XYLT1: variants seen among roughly 807,000 people sequenced by gnomAD.
XYLT1 encodes beta-D-xylosyltransferase 1.
Under a neutral mutation model 91.3 loss-of-function variants are expected in XYLT1, and 36 were observed. That is an observed-to-expected ratio of 0.39 (90% CI 0.30 to 0.52). The LOEUF is 0.52. XYLT1 is among the 20% of genes least tolerant of loss of function. XYLT1 has a pLI of 0.68. For synonymous variants in XYLT1, 588 were observed against 532.0 expected (o/e 1.11, Z -1.45); for missense variants, 1,242 against 1,284.5 (o/e 0.97, Z 0.51).
In XYLT1 at chr16:17,139,489, C is replaced by T. The variant is rs376968291; in HGVS notation, c.1588-958G>A. 9.4e-4 allele frequency among the ~76,000 whole-genome samples: 143 copies of T among 152,184 alleles called. 2 individuals are homozygous for T. Among genetic ancestry groups the T allele is most frequent in the African/African-American group, 3.4e-3 (143 of 41,518 alleles). On this transcript the variant is annotated intron_variant, in intron 7 of 11. Transcript: ENST00000261381. ...CTTTGGTCACCAGTATCGTGGTGGG[C>T]GTCTTGATTAAAAATAGCCAAACTC...
chr16:17,337,730 ATCT>A (rs2035001853), intron 2 of XYLT1, among the ~76,000 whole-genome samples: 2 of 139,408 alleles, frequency 1.4e-5, no homozygotes, highest in South Asian at 4.5e-4. Context: ...CACATTCCCG[ATCT>A]TATTTTTTCC....
At chr16:17,359,421 C>A (rs903960858) in intron 1 of XYLT1, among the ~76,000 whole-genome samples, 1 of 152,152 alleles carries the variant, frequency 6.6e-6, no homozygotes, top group East Asian at 1.9e-4. Flanking sequence ...GACTGTTCTA[C>A]GGTATCTTTG....
rs544569334 is a variant in XYLT1 at position 17,216,417 on chromosome 16, TA to T, written c.914-15764del. Among the ~76,000 whole-genome samples, 20 of 152,322 alleles carry T rather than the reference TA, an allele frequency of 1.3e-4. No homozygotes were observed. The South Asian group carries it at 2.3e-3, about 17-fold the overall frequency. ...GCCAAATTGGTTGGAATTTTCCTAATAAAAATCCTCATAGTAATCACATTAT... is the reference window on the plus strand; with the variant it reads ...GCCAAATTGGTTGGAATTTTCCTAATAAAATCCTCATAGTAATCACATTAT... On this transcript the variant is annotated intron_variant, in intron 3 of 11. Transcript: ENST00000261381.
chr16:17,344,492 C>CAAAA, intron 2 of XYLT1, among the ~76,000 whole-genome samples: 1 of 100,870 alleles, frequency 9.9e-6, no homozygotes. Flanking sequence ...GACTCCATCT[C>CAAAA]AAAAAAAAAA....
chr16:17,328,248 T>C (rs1266677916), intron 2 of XYLT1, among the ~76,000 whole-genome samples: 1 of 151,974 alleles, frequency 6.6e-6, no homozygotes, highest in Non-Finnish European at 1.5e-5. Context: ...CAATCAGGCA[T>C]ATTAAAAGCC....
intron 2 of XYLT1, among the ~76,000 whole-genome samples, chr16:17,311,597 G>A (rs2034551033): frequency 6.6e-6 from 1 of 152,204 alleles, no homozygotes; most frequent in South Asian, 2.1e-4. Context: ...GACTGTGGGT[G>A]AATTCCTTCC....
At position 17,352,899 on chromosome 16, in the gene XYLT1, A is replaced by G. The variant is rs541205931; in HGVS notation, c.402+5113T>C. ...AGTTAGCACAAGGCCTTGTCTCCAC[A>G]TGGCCCAATAGTGATTTACGGAATA... is the stretch of plus-strand genomic sequence containing the variant. On this transcript the variant is annotated intron_variant, in intron 2 of 11. Transcript: ENST00000261381. Among the ~76,000 whole-genome samples the G allele has an allele frequency of 2.6e-5, 4 of 152,300 alleles. No individual in the cohort carries two copies. The East Asian group carries it at 7.7e-4, about 29-fold the overall frequency.
intron 3 of XYLT1, among the ~76,000 whole-genome samples, chr16:17,239,335 A>ATCG (rs2033302279): frequency 1.0e-5 from 1 of 100,098 alleles, no homozygotes; most frequent in African/African-American, 3.6e-5. Context: ...TCCATCCATC[A>ATCG]TCCATCCATC....
chr16:17,457,169 C>A (rs2036755988), intron 1 of XYLT1, among the ~76,000 whole-genome samples: 1 of 152,116 alleles, frequency 6.6e-6, no homozygotes, highest in African/African-American at 2.4e-5. Context: ...TTGATTTTGG[C>A]TACTAATTCA....
At chr16:17,113,615 G>GTGA (rs1966846652) in intron 11 of XYLT1, among the ~76,000 whole-genome samples, 1 of 152,016 alleles carries the variant, frequency 6.6e-6, no homozygotes, top group African/African-American at 2.4e-5. Flanking sequence ...CAGATTGTGG[G>GTGA]TGATAGGACT....
intron 3 of XYLT1, among the ~76,000 whole-genome samples, chr16:17,202,637 ACCT>A (rs2032563750): frequency 6.6e-6 from 1 of 151,650 alleles, no homozygotes; most frequent in Non-Finnish European, 1.5e-5. Context: ...ACTCACCACC[ACCT>A]CTTTTACTCT....
chr16:17,292,169 T>C (rs1392238250), intron 2 of XYLT1, among the ~76,000 whole-genome samples: 1 of 152,040 alleles, frequency 6.6e-6, no homozygotes, highest in Non-Finnish European at 1.5e-5. Context: ...AAATATTATA[T>C]ATATTATATA....
chr16:17,201,810 G>T (rs1457072513), intron 3 of XYLT1, among the ~76,000 whole-genome samples: 2 of 152,076 alleles, frequency 1.3e-5, no homozygotes, highest in African/African-American at 4.8e-5. Context: ...GAGACTAGAA[G>T]ATTCTATGAG....
chr16:17,119,691 G>C (rs1003889113), intron 10 of XYLT1, among the ~76,000 whole-genome samples: 2 of 152,206 alleles, frequency 1.3e-5, no homozygotes, highest in African/African-American at 2.4e-5. Context: ...GGAGACCCTT[G>C]TCATTATCTT....
At chr16:17,137,648 T>TGCCCTTCCCCAGAACTGTAAATTGTTAG (rs2030789780) in intron 8 of XYLT1, 1 of 150,960 alleles carries the variant, frequency 6.6e-6, no homozygotes, top group Non-Finnish European at 1.5e-5. Flanking sequence ...CCTCCTGCTC[T>TGCCCTTCCCCAGAACTGTAAATTGTTAG]GCCCTTCCCC....
chr16:17,210,109 G>C (rs1359219001), intron 3 of XYLT1, among the ~76,000 whole-genome samples: 2 of 151,996 alleles, frequency 1.3e-5, no homozygotes, highest in Non-Finnish European at 2.9e-5. Flanking sequence ...GCTCAGGCTG[G>C]TCTCAAACTC....
At chr16:17,115,942 C>A in intron 11 of XYLT1, among the ~76,000 whole-genome samples, 1 of 139,990 alleles carries the variant, frequency 7.1e-6, no homozygotes, top group African/African-American at 2.7e-5. Context: ...AGTGGAATAT[C>A]ATGTAGCTGG....
chr16:17,183,464 T>C (rs2032114362), intron 5 of XYLT1, among the ~76,000 whole-genome samples: 1 of 152,208 alleles, frequency 6.6e-6, no homozygotes, highest in Non-Finnish European at 1.5e-5. Context: ...CTTTCCTCTC[T>C]GCCCCTACTC....
chr16:17,377,946 A>G (rs184879275), intron 1 of XYLT1, among the ~76,000 whole-genome samples: 1 of 152,202 alleles, frequency 6.6e-6, no homozygotes, highest in Non-Finnish European at 1.5e-5. Context: ...CATTGTACAA[A>G]GGGAAGAACT....
Sources: allele counts gnomAD v4.1 joint callset (sites outside exome capture counted in the v4.1 genomes callset), GRCh38; gene constraint gnomAD v4.1.1; transcripts MANE v1.5; gene names NCBI Gene and HGNC (gene_info 2026-07-23, HGNC 2026-07-21).